The following SLC17A8 variants were observed in gnomAD, a reference collection of about 807,000 sequenced individuals.
SLC17A8 encodes the protein vesicular glutamate transporter 3.
In SLC17A8, 31 loss-of-function variants were observed where a neutral mutation model predicts 58.0. The ratio of observed to expected loss-of-function variants is 0.53; its 90% confidence interval spans 0.40 to 0.72. The LOEUF (loss-of-function observed/expected upper bound fraction) is 0.72, where lower values mean the gene tolerates loss of function less well. Among genes scored for constraint, SLC17A8 ranks in the 30% least tolerant of loss-of-function variants. The pLI, the probability that SLC17A8 is intolerant of heterozygous loss-of-function variation, is 0.00. For synonymous variants in SLC17A8, 228 were observed against 249.0 expected, an observed-to-expected ratio of 0.92 and a Z score of 0.79; for missense variants, 655 against 727.8, an observed-to-expected ratio of 0.90 and a Z score of 1.15.
intron 1 of SLC17A8, among the ~76,000 whole-genome samples, chr12:100,376,447 T>C (rs1952595213): frequency 6.6e-6 from 1 of 152,154 alleles, no homozygotes; most frequent in Admixed American, 6.5e-5. Flanking sequence ...AGAAGGAGCA[T>C]GGCCTGGTGT....
At chr12:100,395,690 G>A (rs1156806978) in intron 4 of SLC17A8, among the ~76,000 whole-genome samples, 1 of 151,756 alleles carries the variant, frequency 6.6e-6, no homozygotes, top group East Asian at 1.9e-4. Context: ...TCAGCTCACT[G>A]CAATCTCTGC....
chr12:100,389,526 C>T, intron 2 of SLC17A8, among the ~76,000 whole-genome samples: 1 of 151,808 alleles, frequency 6.6e-6, no homozygotes, highest in East Asian at 1.9e-4. Context: ...ATTTTATTTT[C>T]TCCTTAGCAT....
intron 10 of SLC17A8, 143 bp from the exon 11 acceptor site, chr12:100,417,886 A>G (rs2136018364): frequency 1.1e-6 from 1 of 945,742 alleles, no homozygotes; most frequent in South Asian, 1.3e-5. Flanking sequence ...AGCCTCTTGA[A>G]CCCAGTCCTC....
intron 5 of SLC17A8, among the ~76,000 whole-genome samples, chr12:100,401,454 C>A (rs117802142): frequency 6.6e-6 from 1 of 151,972 alleles, no homozygotes; most frequent in African/African-American, 2.4e-5. Context: ...TCCAATATTG[C>A]GCCTGGTTGA....
At chr12:100,403,945 A>AG (rs994415283) in intron 8 of SLC17A8, 93 bp from the exon 9 acceptor site, 1 of 1,427,542 alleles carries the variant, frequency 7.0e-7, no homozygotes, top group African/African-American at 1.4e-5. Flanking sequence ...GGTGGTAGGT[A>AG]GGGGGGCTGT....
intron 9 of SLC17A8, among the ~76,000 whole-genome samples, chr12:100,411,474 C>T (rs976900962): frequency 6.6e-6 from 1 of 152,000 alleles, no homozygotes; most frequent in African/African-American, 2.4e-5. Context: ...GAGCAAGACT[C>T]TGTCTCAAAG....
At chr12:100,383,261 C>T (rs898559201) in intron 2 of SLC17A8, among the ~76,000 whole-genome samples, 1 of 152,228 alleles carries the variant, frequency 6.6e-6, no homozygotes, top group African/African-American at 2.4e-5. Context: ...TTTTGATTAA[C>T]CCGAGGAACA....
At chr12:100,381,758 A>C (rs1952639630) in intron 2 of SLC17A8, among the ~76,000 whole-genome samples, 1 of 152,254 alleles carries the variant, frequency 6.6e-6, no homozygotes, top group Non-Finnish European at 1.5e-5. Context: ...ATATTAAAAT[A>C]TAAATACCAA....
intron 2 of SLC17A8, among the ~76,000 whole-genome samples, chr12:100,386,453 G>C (rs1006218669): frequency 6.6e-6 from 1 of 151,922 alleles, no homozygotes; most frequent in Admixed American, 6.6e-5. Flanking sequence ...CCATTAATTA[G>C]TAACTCCTCA....
chr12:100,414,147 TCA>T (rs1160960443), intron 10 of SLC17A8, among the ~76,000 whole-genome samples: 1 of 152,140 alleles, frequency 6.6e-6, no homozygotes, highest in Non-Finnish European at 1.5e-5. Context: ...TTTCTTAATA[TCA>T]CACAGTTAGT....
At chr12:100,405,917 C>T (rs1182421476) in intron 9 of SLC17A8, among the ~76,000 whole-genome samples, 1 of 152,094 alleles carries the variant, frequency 6.6e-6, no homozygotes, top group Admixed American at 6.6e-5. Context: ...GAGGTTGAGG[C>T]GGGCAGACCA....
chr12:100,373,058 T>C (rs1476390208), intron 1 of SLC17A8, among the ~76,000 whole-genome samples: 2 of 152,140 alleles, frequency 1.3e-5, no homozygotes, highest in African/African-American at 4.8e-5. Flanking sequence ...ATTAGACCCC[T>C]GGGGCTTGGA....
chr12:100,358,481 C>T (rs995756657), intron 1 of SLC17A8, among the ~76,000 whole-genome samples: 5 of 152,114 alleles, frequency 3.3e-5, no homozygotes, highest in African/African-American at 1.2e-4. Context: ...AACACATATG[C>T]TCCTGTCAGT....
At chr12:100,408,213 G>T (rs1204380406) in intron 9 of SLC17A8, among the ~76,000 whole-genome samples, 1 of 152,126 alleles carries the variant, frequency 6.6e-6, no homozygotes, top group East Asian at 1.9e-4. Context: ...TATTTCCATA[G>T]ATTTTAATAT....
chr12:100,391,929 T>C (rs1288858308), intron 3 of SLC17A8, among the ~76,000 whole-genome samples: 8 of 152,180 alleles, frequency 5.3e-5, no homozygotes, highest in Non-Finnish European at 1.2e-4. Context: ...GACTGCAAGA[T>C]GTGTCTCTAA....
chr12:100,411,591 C>T (rs1014313643), intron 9 of SLC17A8, among the ~76,000 whole-genome samples: 3 of 126,620 alleles, frequency 2.4e-5, no homozygotes, highest in Non-Finnish European at 3.6e-5. Context: ...CTGGAATCAG[C>T]AGACAGTCTC....
chr12:100,363,808 A>G (rs1253779894), intron 1 of SLC17A8, among the ~76,000 whole-genome samples: 1 of 152,050 alleles, frequency 6.6e-6, no homozygotes, highest in African/African-American at 2.4e-5. Context: ...TGGGAGGCCA[A>G]CGCAGATGGA....
rs552748783 is a variant in SLC17A8 at position 100,418,694 on chromosome 12, CAT to C, written c.1425+539_1425+540del. On this transcript the variant is annotated intron_variant, in intron 11 of 11. Coordinates refer to ENST00000323346, the MANE Select transcript of SLC17A8 (RefSeq NM_139319.3). ...CCATCCAGAGTTCAACCACAGCCCACATGATTTCTTTATCTTTGTCACTGAAA... is the reference window on the plus strand; with the variant it reads ...CCATCCAGAGTTCAACCACAGCCCACGATTTCTTTATCTTTGTCACTGAAA... Among the ~76,000 whole-genome samples the C allele has an allele frequency of 4.3e-3, 661 of 152,312 alleles. 4 individuals are homozygous for C. The highest frequency in any genetic ancestry group is 0.015 in the African/African-American group (614 of 41,576).
intron 10 of SLC17A8, among the ~76,000 whole-genome samples, chr12:100,415,925 A>G (rs1473164077): frequency 2.6e-5 from 4 of 152,206 alleles, no homozygotes; most frequent in Non-Finnish European, 4.4e-5. Flanking sequence ...CACAGGGGCA[A>G]TAATTCCTCA....
Sources: gnomAD v4.1 joint callset for allele counts (sites outside exome capture counted in the v4.1 genomes callset) on GRCh38, gnomAD v4.1.1 for gene constraint, MANE v1.5 for transcripts, NCBI Gene and HGNC (gene_info 2026-07-23, HGNC 2026-07-21) for gene names.